Variants in PEX26 observed in about 807,000 individuals in gnomAD.
PEX26 encodes peroxisomal biogenesis factor 26, also known as peroxisome assembly protein 26.
In PEX26, 18 loss-of-function variants were observed where a neutral mutation model predicts 31.4. That is an observed-to-expected ratio of 0.57 (90% CI 0.40 to 0.85). The LOEUF is 0.85. PEX26 is among the 40% of genes least tolerant of loss of function. The pLI is 0.00. For synonymous variants in PEX26, 176 were observed against 166.9 expected (o/e 1.05, Z -0.42); for missense variants, 377 against 383.9 (o/e 0.98, Z 0.15).
chr22:18,081,239 C>T (rs1266658967), intron 2 of PEX26, among the ~76,000 whole-genome samples: 1 of 81,650 alleles, frequency 1.2e-5, no homozygotes, highest in Non-Finnish European at 2.1e-5. Context: ...CATATATGTA[C>T]ACATATACAC....
At chr22:18,080,095 C>T (rs1303160786) in intron 2 of PEX26, 81 bp downstream of exon 2, 4 of 1,458,244 alleles carry the variant, frequency 2.7e-6, no homozygotes, top group Non-Finnish European at 2.9e-6. Flanking sequence ...CTACTCTTTT[C>T]CCCTTCCCTA....
chr22:18,093,283 C>G lies in PEX26; in HGVS notation c.*5208C>G, dbSNP rs374029837. On this transcript the variant is annotated 3_prime_UTR_variant, in exon 5 of 5. Coordinates refer to ENST00000399744, the MANE Select transcript of PEX26 (RefSeq NM_001127649.3). ...TTTAAATTAAAGAAAAAAACCTGGC[C>G]GGGCGCGGTGGCTCACGCCTGTAAT... is the stretch of plus-strand genomic sequence containing the variant. 1 of 152,110 alleles carries G rather than the reference C, an allele frequency of 6.6e-6. No homozygotes were observed. The highest frequency in any genetic ancestry group is 1.9e-4 in the East Asian group (1 of 5,174). 9.4% of individuals were successfully genotyped at this position (152,110 alleles called of 1,614,324 possible). A position where few individuals can be genotyped will look rare whatever the true frequency, so the allele number is the denominator to read the frequency against.
chr22:18,085,297 G>A, intron 4 of PEX26, 39 bp downstream of exon 4: 1 of 1,610,364 alleles, frequency 6.2e-7, no homozygotes, highest in Non-Finnish European at 8.5e-7. Flanking sequence ...TCCTGGGAAG[G>A]GGTTGTTGCC....
At chr22:18,081,243 T>TACACACACACACACACAC (rs1221829469) in intron 2 of PEX26, among the ~76,000 whole-genome samples, 34 of 62,438 alleles carry the variant, frequency 5.4e-4, no homozygotes, top group Admixed American at 2.8e-3. Context: ...TATGTACACA[T>TACACACACACACACACAC]ATACACACAC....
At chr22:18,082,907 G>A (rs1253508551) in intron 2 of PEX26, among the ~76,000 whole-genome samples, 1 of 152,094 alleles carries the variant, frequency 6.6e-6, no homozygotes, top group Non-Finnish European at 1.5e-5. Context: ...GAGATCTTTT[G>A]CCAGCTTGGT....
chr22:18,091,499 A>G lies in PEX26; in HGVS notation c.*3424A>G, dbSNP rs1927096917. The stretch of plus-strand genomic sequence containing the variant: ...AATACAAAAAAAAAATGAGCCGGGC[A>G]TGGTGGTGGGTACCTGTAATCCCAG... On this transcript the variant is annotated 3_prime_UTR_variant, in exon 5 of 5. Transcript: ENST00000399744. 4 of 152,190 alleles carry G rather than the reference A, an allele frequency of 2.6e-5. No homozygotes were observed. The highest frequency in any genetic ancestry group is 4.4e-5 in the Non-Finnish European group (3 of 68,040). 9.4% of individuals were successfully genotyped at this position (152,190 alleles called of 1,614,324 possible).
At chr22:18,079,324 A>G in intron 1 of PEX26, 1 of 671,022 alleles carries the variant, frequency 1.5e-6, no homozygotes, top group South Asian at 6.7e-5. Flanking sequence ...TAGGTAGAAT[A>G]GCTAAAGTTG....
chr22:18,085,816 G>A (rs1461293567), intron 4 of PEX26, among the ~76,000 whole-genome samples: 1 of 152,140 alleles, frequency 6.6e-6, no homozygotes, highest in African/African-American at 2.4e-5. Flanking sequence ...AGGTTGCAGT[G>A]AGCCAAGATC....
intron 2 of PEX26, 150 bp downstream of exon 2, chr22:18,080,164 A>C: frequency 1.2e-6 from 1 of 819,998 alleles, no homozygotes; most frequent in Non-Finnish European, 2.1e-6. Flanking sequence ...ACTTCCATAC[A>C]TAGCAATAAA....
chr22:18,082,076 T>TC (rs34705620), intron 2 of PEX26, among the ~76,000 whole-genome samples: 73,036 of 144,896 alleles, frequency 0.5, 19,605 homozygotes, highest in Non-Finnish European at 0.62. Flanking sequence ...TTTTTTTTTT[T>TC]TTCTGCTGTT....
At chr22:18,081,962 T>C (rs1926630702) in intron 2 of PEX26, among the ~76,000 whole-genome samples, 1 of 152,170 alleles carries the variant, frequency 6.6e-6, no homozygotes, top group Non-Finnish European at 1.5e-5. Flanking sequence ...GGCATTTCCC[T>C]GATGATTAGT....
In PEX26 at chr22:18,079,988, G is replaced by T. The variant is rs1258468358; in HGVS notation, c.345G>T (p.Lys115Asn). ...WVLQYYQVPE[K>N]LPPKVLELCI... is the part of the protein sequence containing the mutation. ...TTCAGTATTACCAGGTCCCTGAAAA[G>T]CTACCCCCCAAAGTCCTGGAGCTGT... is the stretch of plus-strand genomic sequence containing the variant. Residue 115 changes from lysine (K) to asparagine (N), a missense_variant, in exon 2 of 5, where the codon AAG becomes AAT. Physicochemically the swap from Lys to Asn is moderately conservative, Grantham distance 94. Transcript: ENST00000399744. 1 of 1,614,162 alleles carries T rather than the reference G, an allele frequency of 6.2e-7. No individual in the cohort carries two copies. The highest frequency in any genetic ancestry group is 2.2e-5 in the East Asian group (1 of 44,874).
chr22:18,097,919 C>T lies in PEX26; in HGVS notation c.*9844C>T, dbSNP rs1246993188. 2 of 152,128 alleles carry T rather than the reference C, an allele frequency of 1.3e-5. No individual in the cohort carries two copies. Among genetic ancestry groups the T allele is most frequent in the African/African-American group, 4.8e-5 (2 of 41,444 alleles). The allele number at this position is 152,128 out of a possible 1,614,324, so 9.4% of individuals were successfully genotyped here. A position where few individuals can be genotyped will look rare whatever the true frequency, so the allele number is the denominator to read the frequency against. ...TATGTAATTAATGGTAATTATAATACAGCCTTCTAGAGGCCAGGTGCAGTG... is the reference window on the plus strand; with the variant it reads ...TATGTAATTAATGGTAATTATAATATAGCCTTCTAGAGGCCAGGTGCAGTG... On this transcript the variant is annotated 3_prime_UTR_variant, in exon 5 of 5. Coordinates refer to ENST00000399744, the MANE Select transcript of PEX26 (RefSeq NM_001127649.3).
Position 18,088,106 on chromosome 22 carries a change from C to T in PEX26, c.*31C>T. On this transcript the variant is annotated 3_prime_UTR_variant, in exon 5 of 5. Coordinates refer to ENST00000399744, the MANE Select transcript of PEX26 (RefSeq NM_001127649.3). The surrounding 1 kb of genome is among the most constrained non-coding windows in gnomAD (Gnocchi z 4.1). ...CCTGCGCACCACAGCCTCTCTGCTC[C>T]TCACGTCCGTGGCCACAGAAGCAGA... 1 of 1,415,990 alleles carries T rather than the reference C, an allele frequency of 7.1e-7. No homozygotes were observed. The highest frequency in any genetic ancestry group is 1.0e-6 in the Non-Finnish European group (1 of 1,002,546). 87.7% of individuals were successfully genotyped at this position (1,415,990 alleles called of 1,614,324 possible). A position where few individuals can be genotyped will look rare whatever the true frequency, so the allele number is the denominator to read the frequency against.
chr22:18,099,197 C>T lies in PEX26; in HGVS notation c.*11122C>T, dbSNP rs375693236. 4.6e-5 allele frequency: 7 copies of T among 152,158 alleles called. No individual in the cohort carries two copies. Among genetic ancestry groups the T allele is most frequent in the African/African-American group, 1.4e-4 (6 of 41,506 alleles). 9.4% of individuals were successfully genotyped at this position (152,158 alleles called of 1,614,324 possible). ...TCTACTCTGAAGGACAGGCAAGAGT[C>T]CAGCCCAGGGAAAAAGGTGCAGATG... On this transcript the variant is annotated 3_prime_UTR_variant, in exon 5 of 5. Coordinates refer to ENST00000399744, the MANE Select transcript of PEX26 (RefSeq NM_001127649.3).
rs1222356680 is a variant in PEX26, at chr22:18,094,457, C to G, written c.*6382C>G. ...TCGATCTCCTGACCTCGTGATCCGC[C>G]TCCCACAGTGCTGGGATTACAGGCG... On this transcript the variant is annotated 3_prime_UTR_variant, in exon 5 of 5. Transcript: ENST00000399744. 6.6e-6 allele frequency: 1 copy of G among 152,332 alleles called. No homozygotes were observed. The highest frequency in any genetic ancestry group is 1.5e-5 in the Non-Finnish European group (1 of 68,130). 9.4% of individuals were successfully genotyped at this position (152,332 alleles called of 1,614,324 possible).
At position 18,079,817 on chromosome 22, in the gene PEX26, TG is replaced by T. The variant is rs1926474122; in HGVS notation, c.231-54del. On this transcript the variant is annotated intron_variant, in intron 1 of 4. Transcript: ENST00000399744. ...GAGAGGAACAGTCCCAAGGTGGAGGTGGGAATGGAAATGGAGGGGAACCACT... is the reference window on the plus strand; with the variant it reads ...GAGAGGAACAGTCCCAAGGTGGAGGTGGAATGGAAATGGAGGGGAACCACT... The T allele has an allele frequency of 1.9e-6, 3 of 1,603,356 alleles. No homozygotes were observed. In the South Asian group the frequency reaches 3.3e-5, roughly 18 times the overall value.
At chr22:18,087,275 A>G (rs1478047967) in intron 4 of PEX26, among the ~76,000 whole-genome samples, 2 of 152,038 alleles carry the variant, frequency 1.3e-5, no homozygotes, top group African/African-American at 2.4e-5. Flanking sequence ...GGGTTTCGCC[A>G]TGTTTGCCAG....
Position 18,078,049 on chromosome 22 carries a change from T to C in PEX26, c.-328T>C. 1 of 517,438 alleles carries C rather than the reference T, an allele frequency of 1.9e-6. No homozygotes were observed. The highest frequency in any genetic ancestry group is 1.5e-5 in the South Asian group (1 of 64,958). The allele number at this position is 517,438 out of a possible 1,614,324, so 32.1% of individuals were successfully genotyped here. The stretch of plus-strand genomic sequence containing the variant: ...CCGCGCCCGCTGCCGGGAGGCGAGG[T>C]GAGTCTTTGATCGTAACCAGGAGCC... On this transcript the variant is annotated 5_prime_UTR_variant, in exon 1 of 5. Coordinates refer to ENST00000399744, the MANE Select transcript of PEX26 (RefSeq NM_001127649.3).
Sources: allele counts gnomAD v4.1 joint callset (sites outside exome capture counted in the v4.1 genomes callset), GRCh38; gene constraint gnomAD v4.1.1; non-coding constraint Gnocchi (gnomAD v3.1); transcripts MANE v1.5; gene names NCBI Gene and HGNC (gene_info 2026-07-23, HGNC 2026-07-21).